The following ALMS1 variants were observed in gnomAD, a reference collection of about 807,000 sequenced individuals.
ALMS1 encodes the protein ALMS1 centrosome and basal body associated protein.
In ALMS1, 271 loss-of-function variants were observed where a neutral mutation model predicts 352.2. The observed-to-expected ratio is 0.77, with a 90% CI of 0.70 to 0.85. The LOEUF (loss-of-function observed/expected upper bound fraction) is 0.85, where lower values mean the gene tolerates loss of function less well. ALMS1 is among the 40% of genes least tolerant of loss of function. The pLI, the probability that ALMS1 is intolerant of heterozygous loss-of-function variation, is 0.00. For missense variants in ALMS1, 5,445 were observed against 4,870.7 expected (o/e 1.12, Z -3.51); for synonymous variants, 1,865 against 1,761.2 (o/e 1.06, Z -1.48).
chr2:73,487,957 T>C (rs1276788790), intron 9 of ALMS1, among the ~76,000 whole-genome samples: 4 of 152,200 alleles, frequency 2.6e-5, no homozygotes, highest in Non-Finnish European at 5.9e-5. Flanking sequence ...TCTCTCCAAG[T>C]CTGGCTGAGT....
intron 2 of ALMS1, among the ~76,000 whole-genome samples, chr2:73,418,315 A>G (rs893953695): frequency 6.6e-6 from 1 of 152,198 alleles, no homozygotes; most frequent in African/African-American, 2.4e-5. Flanking sequence ...GGGTGATATG[A>G]TAATGTTATA....
intron 13 of ALMS1, among the ~76,000 whole-genome samples, chr2:73,552,855 AAT>A (rs536039744): frequency 3.6e-3 from 543 of 152,340 alleles, no homozygotes; most frequent in Non-Finnish European, 5.7e-3. Flanking sequence ...GAAGGGGTGG[AAT>A]ATAAAAGTGA....
chr2:73,433,663 G>T lies in ALMS1; in HGVS notation c.1432+1372G>T, dbSNP rs189899840. On this transcript the variant is annotated intron_variant, in intron 7 of 22. Coordinates refer to ENST00000613296, the MANE Select transcript of ALMS1 (RefSeq NM_001378454.1). ...TAATCTCAGTACTTTGGGAGGCTGA[G>T]GTGGGAGGATCACTTGGAAGAGTCT... Among the ~76,000 whole-genome samples, 6 of 152,218 alleles carry T rather than the reference G, an allele frequency of 3.9e-5. No individual in the cohort carries two copies. In the East Asian group the frequency reaches 9.7e-4, roughly 25 times the overall value.
At chr2:73,590,073 T>C (rs1208698111) in intron 16 of ALMS1, among the ~76,000 whole-genome samples, 1 of 151,990 alleles carries the variant, frequency 6.6e-6, no homozygotes, top group Non-Finnish European at 1.5e-5. Context: ...AATGAGATGA[T>C]ACTTGTCTTG....
Position 73,573,121 on chromosome 2 carries a change from T to TA in ALMS1, c.11245dup (p.Thr3749AsnfsTer23). 6.2e-7 allele frequency: 1 copy of TA among 1,614,034 alleles called. No homozygotes were observed. Among genetic ancestry groups the TA allele is most frequent in the Non-Finnish European group, 8.5e-7 (1 of 1,179,980 alleles). On this transcript the variant is annotated frameshift_variant, in exon 16 of 23. Coordinates refer to ENST00000613296, the MANE Select transcript of ALMS1 (RefSeq NM_001378454.1). LOFTEE classifies it high-confidence loss of function. ...CAGAGGAGAGTGAGCTGCTCACAGA[T>TA]ACTACCACCAACATCCTTTCCGGCA...
chr2:73,451,503 C>T lies in ALMS1; in HGVS notation c.4976C>T (p.Pro1659Leu). 6.2e-7 allele frequency: 1 copy of T among 1,613,762 alleles called. No individual in the cohort carries two copies. Among genetic ancestry groups the T allele is most frequent in the South Asian group, 1.1e-5 (1 of 91,040 alleles). Reference protein sequence around the residue: ...GPADQKTETLPVHSTSYSNRG... With the variant: ...GPADQKTETLLVHSTSYSNRG... Reference sequence around the variant, plus strand: ...GCTGACCAGAAGACTGAGACATTACCAGTACATTCTACTAGCTACTCAAAT... The same window carrying T: ...GCTGACCAGAAGACTGAGACATTACTAGTACATTCTACTAGCTACTCAAAT... The change falls in exon 8 of 23, where the codon CCA becomes CTA. Residue 1659 changes from proline to leucine, a missense_variant. By Grantham distance (98) the Pro-to-Leu change is moderately conservative. Coordinates refer to ENST00000613296, the MANE Select transcript of ALMS1 (RefSeq NM_001378454.1).
intron 12 of ALMS1, among the ~76,000 whole-genome samples, chr2:73,548,644 A>G (rs932432799): frequency 5.9e-5 from 9 of 152,216 alleles, no homozygotes; most frequent in African/African-American, 2.2e-4. Context: ...TTGTACTACA[A>G]TATATAGTAA....
chr2:73,601,216 T>C lies in ALMS1; in HGVS notation c.11894T>C (p.Val3965Ala). The change falls in exon 19 of 23, where the codon GTG becomes GCG. Residue 3965 changes from valine (V) to alanine (A), a missense_variant. Val to Ala is a moderately conservative substitution (Grantham distance 64, BLOSUM62 0). Transcript: ENST00000613296. ...GTAGGAGTTTCCTGGTTTGTTCCTGTGGAAAATGTGGAGTCTAGATCAAAG... is the reference window on the plus strand; with the variant it reads ...GTAGGAGTTTCCTGGTTTGTTCCTGCGGAAAATGTGGAGTCTAGATCAAAG... ...SHEGVSWFVP[V>A]ENVESRSKKE... is the part of the protein sequence containing the mutation. 6.2e-7 allele frequency: 1 copy of C among 1,614,158 alleles called. No homozygotes were observed.
At chr2:73,401,538 A>G (rs997755445) in intron 1 of ALMS1, among the ~76,000 whole-genome samples, 4 of 152,004 alleles carry the variant, frequency 2.6e-5, no homozygotes, top group South Asian at 2.1e-4. Context: ...TTTTCCAGCT[A>G]TTTTTCTGTT....
chr2:73,388,759 A>G (rs1055683839), intron 1 of ALMS1, among the ~76,000 whole-genome samples: 60 of 152,062 alleles, frequency 3.9e-4, no homozygotes, highest in African/African-American at 1.4e-3. Flanking sequence ...TGACTTTGCT[A>G]TTGTGAACGG....
At chr2:73,476,811 T>C (rs890476279) in intron 9 of ALMS1, among the ~76,000 whole-genome samples, 2 of 152,152 alleles carry the variant, frequency 1.3e-5, no homozygotes, top group Admixed American at 6.5e-5. Context: ...GTTCTGGATA[T>C]TAACCTTGCA....
Position 73,572,855 on chromosome 2 carries a change from G to A in ALMS1, c.10978G>A (p.Val3660Met). Residue 3660 changes from valine to methionine, a missense_variant, in exon 16 of 23, where the codon GTG (valine) becomes ATG (methionine). Coordinates refer to ENST00000613296, the MANE Select transcript of ALMS1 (RefSeq NM_001378454.1). ...TGATGATAGCAGAGGGGAACGAAGTGTGAAGGAATGGAGTGGTAGACAACA... is the reference window on the plus strand; with the variant it reads ...TGATGATAGCAGAGGGGAACGAAGTATGAAGGAATGGAGTGGTAGACAACA... Reference protein sequence around the residue: ...THDDSRGERSVKEWSGRQQQR... With the variant: ...THDDSRGERSMKEWSGRQQQR... 1.9e-6 allele frequency: 3 copies of A among 1,614,080 alleles called. No individual in the cohort carries two copies. The highest frequency in any genetic ancestry group is 1.7e-6 in the Non-Finnish European group (2 of 1,180,012).
rs772110939 is a variant in ALMS1, at chr2:73,490,780, C to G, written c.8821C>G (p.Gln2941Glu). ...EQCKAPYVDH[Q>E]MRENHSPLPQ... ...GTGCAAAGCCCCATATGTAGATCAT[C>G]AAATGAGAGAAAACCATTCTCCCCT... The change falls in exon 10 of 23, where the codon CAA becomes GAA. Residue 2941 changes from glutamine (Q) to glutamate (E), a missense_variant. Transcript: ENST00000613296. 3.7e-6 allele frequency: 6 copies of G among 1,614,028 alleles called. No homozygotes were observed. The Admixed American group carries it at 1.0e-4, about 27-fold the overall frequency.
intron 9 of ALMS1, among the ~76,000 whole-genome samples, chr2:73,489,152 TG>T (rs1453337087): frequency 6.6e-6 from 1 of 152,168 alleles, no homozygotes; most frequent in Admixed American, 6.5e-5. Context: ...GTGGTGATAT[TG>T]GGGGAACATG....
intron 9 of ALMS1, among the ~76,000 whole-genome samples, chr2:73,486,421 T>G (rs73947806): frequency 0.016 from 2,465 of 152,218 alleles, 66 homozygotes; most frequent in African/African-American, 0.056. Flanking sequence ...TGGGTCTAGT[T>G]TTTTCTGTGA....
chr2:73,574,531 AAG>A (rs1466187589), intron 16 of ALMS1, among the ~76,000 whole-genome samples: 4 of 152,310 alleles, frequency 2.6e-5, no homozygotes, highest in Non-Finnish European at 1.5e-5. Flanking sequence ...ACATGATCAA[AAG>A]AAATTGGAGA....
At chr2:73,485,726 A>T (rs1425663678) in intron 9 of ALMS1, among the ~76,000 whole-genome samples, 1 of 150,558 alleles carries the variant, frequency 6.6e-6, no homozygotes, top group East Asian at 2.0e-4. Flanking sequence ...AATCAGCGAG[A>T]CTCCGTGGGC....
intron 16 of ALMS1, among the ~76,000 whole-genome samples, chr2:73,577,961 A>G (rs1190732798): frequency 6.6e-6 from 1 of 152,278 alleles, no homozygotes; most frequent in South Asian, 2.1e-4. Flanking sequence ...TTCTATGGCT[A>G]TCAGAAGTGG....
At chr2:73,431,767 T>C (rs924421877) in intron 6 of ALMS1, among the ~76,000 whole-genome samples, 2 of 152,182 alleles carry the variant, frequency 1.3e-5, no homozygotes, top group African/African-American at 4.8e-5. Context: ...TCTTTTTCCT[T>C]CTTACTGTTT....
Sources: gnomAD v4.1 joint callset for allele counts (sites outside exome capture counted in the v4.1 genomes callset) on GRCh38, gnomAD v4.1.1 for gene constraint, MANE v1.5 for transcripts, NCBI Gene and HGNC (gene_info 2026-07-23, HGNC 2026-07-21) for gene names.